Variants in CDCA7L observed in about 807,000 individuals in gnomAD.
The protein encoded by CDCA7L is cell division cycle-associated 7-like protein.
Under a neutral mutation model 57.4 loss-of-function variants are expected in CDCA7L, and 44 were observed. The ratio of observed to expected loss-of-function variants is 0.77; its 90% CI spans 0.60 to 0.98. The LOEUF is 0.98. Ranked by LOEUF, CDCA7L falls within the 50% of genes least tolerant of loss-of-function variation. The pLI, the probability that CDCA7L is intolerant of heterozygous loss-of-function variation, is 0.00. For synonymous variants in CDCA7L, 236 were observed against 202.8 expected (o/e 1.16, Z -1.39); for missense variants, 644 against 580.6 (o/e 1.11, Z -1.12).
intron 1 of CDCA7L, among the ~76,000 whole-genome samples, chr7:21,919,496 C>T (rs1785589315): frequency 6.6e-6 from 1 of 152,128 alleles, no homozygotes; most frequent in Non-Finnish European, 1.5e-5. Flanking sequence ...TGGGAAATGG[C>T]ATTTAAAAAC....
At chr7:21,918,196 A>AT (rs764672311) in intron 1 of CDCA7L, among the ~76,000 whole-genome samples, 1 of 152,174 alleles carries the variant, frequency 6.6e-6, no homozygotes, top group Non-Finnish European at 1.5e-5. Context: ...TTTTTAAAAA[A>AT]TTTTTCATTA....
intron 1 of CDCA7L, 51 bp downstream of exon 1, chr7:21,945,730 G>A (rs762340888): frequency 6.2e-7 from 1 of 1,600,196 alleles, no homozygotes; most frequent in Non-Finnish European, 8.5e-7. Context: ...GTGGCAAAGG[G>A]AAGTCAAACT....
chr7:21,925,284 G>A (rs1251393630), intron 1 of CDCA7L, among the ~76,000 whole-genome samples: 1 of 152,134 alleles, frequency 6.6e-6, no homozygotes, highest in African/African-American at 2.4e-5. Context: ...AGCCTACCTA[G>A]TAATGAAAAG....
At chr7:21,908,719 G>A (rs1785218640) in intron 3 of CDCA7L, among the ~76,000 whole-genome samples, 1 of 152,176 alleles carries the variant, frequency 6.6e-6, no homozygotes, top group Admixed American at 6.5e-5. Context: ...CTACTGAACT[G>A]TGCACCATCA....
intron 2 of CDCA7L, among the ~76,000 whole-genome samples, chr7:21,915,523 T>A (rs1376859590): frequency 6.6e-6 from 1 of 151,268 alleles, no homozygotes; most frequent in East Asian, 1.9e-4. Context: ...GCAGGCCAGG[T>A]ACAGTGGCTC....
intron 2 of CDCA7L, among the ~76,000 whole-genome samples, chr7:21,914,141 G>A (rs552309509): frequency 1.3e-5 from 2 of 152,224 alleles, no homozygotes; most frequent in South Asian, 2.1e-4. Flanking sequence ...TGACATGGAA[G>A]AAACAGACCA....
chr7:21,938,069 C>T (rs1026211928), intron 1 of CDCA7L, among the ~76,000 whole-genome samples: 7 of 152,032 alleles, frequency 4.6e-5, no homozygotes, highest in Non-Finnish European at 8.8e-5. Context: ...AACTAGACCT[C>T]AAAATTAAAA....
chr7:21,923,741 C>T (rs1785738286), intron 1 of CDCA7L, among the ~76,000 whole-genome samples: 1 of 152,188 alleles, frequency 6.6e-6, no homozygotes, highest in Admixed American at 6.5e-5. Flanking sequence ...CCTGTAAGCC[C>T]ATTAGTTAAC....
At chr7:21,937,198 A>T (rs1444649824) in intron 1 of CDCA7L, among the ~76,000 whole-genome samples, 1 of 152,216 alleles carries the variant, frequency 6.6e-6, no homozygotes. Context: ...GGCTTAATAT[A>T]AGGTGACAAT....
intron 1 of CDCA7L, among the ~76,000 whole-genome samples, chr7:21,926,438 AAC>A (rs1389729524): frequency 3.9e-5 from 6 of 152,236 alleles, no homozygotes; most frequent in African/African-American, 1.4e-4. Flanking sequence ...GATTTCTTAC[AAC>A]TCAAGAAAAA....
At chr7:21,933,951 T>C (rs78680911) in intron 1 of CDCA7L, among the ~76,000 whole-genome samples, 1 of 148,102 alleles carries the variant, frequency 6.8e-6, no homozygotes, top group Non-Finnish European at 1.5e-5. Context: ...AAAAAAAAAC[T>C]GCCCTTCAAA....
rs143179934 is a variant in CDCA7L, at chr7:21,908,335, T to A, written c.476A>T (p.Lys159Ile). 5.0e-6 allele frequency: 8 copies of A among 1,610,006 alleles called. No individual in the cohort carries two copies. The African/African-American group carries it at 8.1e-5, about 16-fold the overall frequency. The stretch of plus-strand genomic sequence containing the variant: ...AAACAACTGCTCGGAAGAACTGTTT[T>A]TATCTGGTTTGTTGGCCAGCTTCTT... ...PTKKLANKPD[K>I]NSSSEQLFSS... Residue 159 changes from lysine to isoleucine, a missense_variant, in exon 4 of 10, where the codon AAA becomes ATA. By Grantham distance (102) the Lys-to-Ile change is moderately radical. Coordinates refer to ENST00000406877, the MANE Select transcript of CDCA7L (RefSeq NM_018719.5).
In CDCA7L at chr7:21,911,623, T is replaced by C; in HGVS notation, c.297A>G (p.Glu99=). ...TTCCTGTTGTAATTATTACCATTAC[T>C]TCTGGGTTAGTCTTTCCATTCAGAT... ...QSDLNGKTNP[E]VMVVESDLSD... is the part of the protein sequence containing the mutation. Residue 99 remains glutamate, a synonymous_variant, in exon 3 of 10, where the codon GAA becomes GAG. Transcript: ENST00000406877. The C allele has an allele frequency of 6.2e-7, 1 of 1,611,820 alleles. No individual in the cohort carries two copies.
chr7:21,944,477 C>T, intron 1 of CDCA7L, among the ~76,000 whole-genome samples: 1 of 83,170 alleles, frequency 1.2e-5, no homozygotes, highest in South Asian at 3.4e-4. Context: ...AAAAAGGATG[C>T]TAATACACGG....
intron 7 of CDCA7L, 27 bp downstream of exon 7, chr7:21,905,479 A>T: frequency 6.2e-7 from 1 of 1,610,538 alleles, no homozygotes; most frequent in Non-Finnish European, 8.5e-7. Context: ...GACTCCCAAT[A>T]AGAATGACAA....
At chr7:21,940,724 C>G (rs1024195354) in intron 1 of CDCA7L, among the ~76,000 whole-genome samples, 3 of 152,194 alleles carry the variant, frequency 2.0e-5, no homozygotes, top group African/African-American at 4.8e-5. Flanking sequence ...TGAATGTGGG[C>G]GCTGTGGATG....
Position 21,917,015 on chromosome 7 carries a change from T to A in CDCA7L, c.25-121A>T, listed in dbSNP as rs917198162. On this transcript the variant is annotated intron_variant, in intron 1 of 9. Coordinates refer to ENST00000406877, the MANE Select transcript of CDCA7L (RefSeq NM_018719.5). ...TCCAACTGCCACGGTTGCCCAGAAG[T>A]CCCCAGTAACCCTCAGCAAAACACT... 60 of 1,118,544 alleles carry A rather than the reference T, an allele frequency of 5.4e-5. 1 individual carries two copies. Among genetic ancestry groups the A allele is most frequent in the Non-Finnish European group, 7.2e-5 (55 of 764,648 alleles). 69.3% of individuals were successfully genotyped at this position (1,118,544 alleles called of 1,614,324 possible).
chr7:21,909,302 A>G (rs917646755), intron 3 of CDCA7L, among the ~76,000 whole-genome samples: 5 of 152,198 alleles, frequency 3.3e-5, no homozygotes, highest in Non-Finnish European at 7.3e-5. Context: ...TGGTACAGAG[A>G]CAGGTTTAAG....
At chr7:21,916,338 C>T (rs1785479446) in intron 2 of CDCA7L, among the ~76,000 whole-genome samples, 1 of 151,948 alleles carries the variant, frequency 6.6e-6, no homozygotes, top group Non-Finnish European at 1.5e-5. Flanking sequence ...AGAGGACATG[C>T]CAACAGAATT....
Sources: gnomAD v4.1 joint callset for allele counts (sites outside exome capture counted in the v4.1 genomes callset) on GRCh38, gnomAD v4.1.1 for gene constraint, MANE v1.5 for transcripts, NCBI Gene and HGNC (gene_info 2026-07-23, HGNC 2026-07-21) for gene names.